Variants in VDAC2 observed in about 807,000 individuals in gnomAD.
VDAC2 encodes the protein voltage dependent anion channel 2.
In VDAC2, 6 loss-of-function variants were observed where a neutral mutation model predicts 36.6. The observed-to-expected ratio is 0.16, with a 90% CI of 0.09 to 0.32. The LOEUF is 0.32. Ranked by LOEUF, VDAC2 falls within the 10% of genes least tolerant of loss-of-function variation. The probability of loss-of-function intolerance (pLI) is 1.00; values close to 1 mark genes in which losing one functional copy is unlikely to be tolerated. For synonymous variants in VDAC2, 109 were observed against 123.8 expected, an observed-to-expected ratio of 0.88 and a Z score of 0.79; for missense variants, 247 against 346.0, an observed-to-expected ratio of 0.71 and a Z score of 2.27.
intron 1 of VDAC2, 24 bp downstream of exon 1, chr10:75,210,962 C>G (rs754301477): frequency 3.2e-4 from 157 of 492,840 alleles, no homozygotes; most frequent in Non-Finnish European, 5.1e-4. Context: ...CGCCTCACGC[C>G]GACCCAGGGG....
chr10:75,219,817 A>ATTTAT (rs368501496), intron 6 of VDAC2, among the ~76,000 whole-genome samples: 14 of 137,214 alleles, frequency 1.0e-4, no homozygotes, highest in South Asian at 2.3e-4. Context: ...ATTTTATTGT[A>ATTTAT]TTTATTTTAT....
intron 8 of VDAC2, among the ~76,000 whole-genome samples, chr10:75,225,013 C>T (rs1432175380): frequency 2.6e-5 from 4 of 152,294 alleles, no homozygotes; most frequent in African/African-American, 4.8e-5. Context: ...GTACCATGCT[C>T]ATACTGCCAT....
intron 8 of VDAC2, 102 bp from the exon 9 acceptor site, chr10:75,229,542 G>T: frequency 2.3e-6 from 2 of 874,860 alleles, no homozygotes; most frequent in Non-Finnish European, 1.8e-6. Flanking sequence ...TGTCTCACGT[G>T]AATAAAACTG....
At chr10:75,211,077 G>T in intron 1 of VDAC2, 57 bp from the exon 2 acceptor site, 1 of 1,491,208 alleles carries the variant, frequency 6.7e-7, no homozygotes, top group Non-Finnish European at 9.1e-7. Context: ...CTCTCTGCCC[G>T]GGATCTCCCT....
intron 2 of VDAC2, 117 bp from the exon 3 acceptor site, chr10:75,212,113 A>G (rs960842397): frequency 1.3e-5 from 12 of 908,266 alleles, no homozygotes; most frequent in Non-Finnish European, 2.1e-5. Context: ...CGCATAAAAA[A>G]CATTCCAACA....
chr10:75,229,035 C>G (rs559255659), intron 8 of VDAC2, among the ~76,000 whole-genome samples: 3 of 152,180 alleles, frequency 2.0e-5, no homozygotes. Context: ...ACTGGGACCT[C>G]CTCCCAAACG....
At chr10:75,215,667 G>A (rs1489729224) in intron 4 of VDAC2, among the ~76,000 whole-genome samples, 2 of 150,534 alleles carry the variant, frequency 1.3e-5, no homozygotes, top group Non-Finnish European at 3.0e-5. Context: ...AGACATTTTT[G>A]ATGTAGTGCA....
rs1430544692 is a variant in VDAC2 at position 75,218,975 on chromosome 10, A to G, written c.151-88A>G. The G allele has an allele frequency of 9.7e-6, 13 of 1,346,078 alleles. No homozygotes were observed. The East Asian group carries it at 3.1e-4, about 32-fold the overall frequency. The allele number at this position is 1,346,078 out of a possible 1,614,324, so 83.4% of individuals were successfully genotyped here. On this transcript the variant is annotated intron_variant, in intron 4 of 9. Coordinates refer to ENST00000332211, the MANE Select transcript of VDAC2 (RefSeq NM_001391963.1). ...GATTCATGAATTTACCAAATGTTTC[A>G]GGGGGTTTGTGTGTGTGTGCGTGTG...
Position 75,222,072 on chromosome 10 carries a change from A to G in VDAC2, c.585-180A>G, listed in dbSNP as rs573365318. Among the ~76,000 whole-genome samples the G allele has an allele frequency of 1.6e-4, 24 of 152,302 alleles. No homozygotes were observed. In the East Asian group the frequency reaches 3.9e-3, roughly 24 times the overall value. On this transcript the variant is annotated intron_variant, in intron 7 of 9. Coordinates refer to ENST00000332211, the MANE Select transcript of VDAC2 (RefSeq NM_001391963.1). ...GGATATTCTGTGGTTCATTTTACCA[A>G]TCCCTGTATGGGTATGGGTTGGGGA...
chr10:75,230,676 A>C (rs1842075909), intron 9 of VDAC2, among the ~76,000 whole-genome samples: 1 of 152,208 alleles, frequency 6.6e-6, no homozygotes, highest in African/African-American at 2.4e-5. Context: ...TTGTTATTAA[A>C]ACATTTCTCT....
In VDAC2 at chr10:75,229,624, GT is replaced by G. The variant is rs1289982525; in HGVS notation, c.736-15del. On this transcript the variant is annotated intron_variant, in intron 8 of 9. Coordinates refer to ENST00000332211, the MANE Select transcript of VDAC2 (RefSeq NM_001391963.1). Reference sequence around the variant, plus strand: ...CTATTGAAATATTTTTCTTACAGTTGTTTTTGTATTTTATTTTAGGCAAAAG... The same window carrying G: ...CTATTGAAATATTTTTCTTACAGTTGTTTTGTATTTTATTTTAGGCAAAAG... 6.3e-7 allele frequency: 1 copy of G among 1,588,272 alleles called. No homozygotes were observed.
At chr10:75,222,115 T>C (rs1841830748) in intron 7 of VDAC2, 137 bp from the exon 8 acceptor site, 3 of 913,982 alleles carry the variant, frequency 3.3e-6, no homozygotes, top group South Asian at 1.9e-5. Context: ...CTGTTAAAAC[T>C]TGCAAGTTTT....
At chr10:75,219,384 A>G (rs1183519132) in intron 6 of VDAC2, 28 bp downstream of exon 6, 1 of 1,535,184 alleles carries the variant, frequency 6.5e-7, no homozygotes, top group African/African-American at 1.4e-5. Flanking sequence ...TATCTGTATT[A>G]CATTTAAAAG....
In VDAC2 at chr10:75,230,750, G is replaced by A. The variant is rs1057152300; in HGVS notation, c.794-148G>A. The A allele has an allele frequency of 6.9e-6, 4 of 581,914 alleles. No individual in the cohort carries two copies. In the Admixed American group the frequency reaches 1.4e-4, roughly 21 times the overall value. The allele number at this position is 581,914 out of a possible 1,614,324, so 36.0% of individuals were successfully genotyped here. Reference sequence around the variant, plus strand: ...TCTGGTGTCTCAGATACTTCCAAGCGCCCTCTGGTGGCCAGCACTAGTAGG... The same window carrying A: ...TCTGGTGTCTCAGATACTTCCAAGCACCCTCTGGTGGCCAGCACTAGTAGG... On this transcript the variant is annotated intron_variant, in intron 9 of 9. Transcript: ENST00000332211.
Position 75,219,339 on chromosome 10 carries a change from C to A in VDAC2, c.339C>A (p.Thr113=). 6.3e-7 allele frequency: 1 copy of A among 1,599,970 alleles called. No homozygotes were observed. The highest frequency in any genetic ancestry group is 1.1e-5 in the South Asian group (1 of 87,512). The change falls in exon 6 of 10, where the codon ACC becomes ACA. Residue 113 remains threonine, a synonymous_variant. Transcript: ENST00000332211. The part of the protein sequence containing the change: ...CQGLKLTFDT[T]FSPNTGKKSG... Reference sequence around the variant, plus strand: ...GTTTGAAACTGACATTTGATACTACCTTCTCACCAAACACAGGGTAAGCAC... The same window carrying A: ...GTTTGAAACTGACATTTGATACTACATTCTCACCAAACACAGGGTAAGCAC...
chr10:75,213,874 A>G, intron 3 of VDAC2, 147 bp from the exon 4 acceptor site: 1 of 714,966 alleles, frequency 1.4e-6, no homozygotes, highest in Non-Finnish European at 2.3e-6. Context: ...AATTTGTAAC[A>G]ATTTCATTTA....
In VDAC2 at chr10:75,229,678, G is replaced by A. The variant is rs1304165782; in HGVS notation, c.770G>A (p.Gly257Asp). The change falls in exon 9 of 10, where the codon GGC (glycine) becomes GAC (aspartate). Residue 257 changes from glycine (G) to aspartate (D), a missense_variant. Gly to Asp is a moderately conservative substitution (Grantham distance 94). Around this residue, in one of 3 missense-constraint regions of VDAC2, gnomAD observed 159 missense variants for 234.0 expected, o/e 0.68. Transcript: ENST00000332211. Reference protein sequence around the residue: ...KVNNSSLIGVGYTQTLRPGVK... With the variant: ...KVNNSSLIGVDYTQTLRPGVK... Reference sequence around the variant, plus strand: ...AACAACTCTAGCTTAATTGGAGTAGGCTATACTCAGACTCTGAGGCCTGGT... The same window carrying A: ...AACAACTCTAGCTTAATTGGAGTAGACTATACTCAGACTCTGAGGCCTGGT... The A allele has an allele frequency of 6.2e-7, 1 of 1,606,432 alleles. No homozygotes were observed. Among genetic ancestry groups the A allele is most frequent in the South Asian group, 1.1e-5 (1 of 88,848 alleles).
At chr10:75,218,293 C>G (rs1197474650) in intron 4 of VDAC2, 1 of 154,472 alleles carries the variant, frequency 6.5e-6, no homozygotes, top group Admixed American at 6.5e-5. Flanking sequence ...GTAGCTGGGA[C>G]TACAGGCGCA....
Position 75,225,942 on chromosome 10 carries a change from A to C in VDAC2, c.735+3540A>C, listed in dbSNP as rs187175161. The stretch of plus-strand genomic sequence containing the variant: ...TGAGTAGCTGGGATTATAGGTGCCC[A>C]CTACCACACTCGGCTAATTTTTGTA... On this transcript the variant is annotated intron_variant, in intron 8 of 9. Coordinates refer to ENST00000332211, the MANE Select transcript of VDAC2 (RefSeq NM_001391963.1). Among the ~76,000 whole-genome samples the C allele has an allele frequency of 2.0e-5, 3 of 152,116 alleles. No homozygotes were observed. In the East Asian group the frequency reaches 5.8e-4, roughly 29 times the overall value.
Sources: allele counts gnomAD v4.1 joint callset (sites outside exome capture counted in the v4.1 genomes callset), GRCh38; gene constraint gnomAD v4.1.1; regional missense constraint gnomAD v4.1.1; transcripts MANE v1.5; gene names NCBI Gene and HGNC (gene_info 2026-07-23, HGNC 2026-07-21).